The following OLAH variants were observed in gnomAD, a reference collection of about 807,000 sequenced individuals.
OLAH encodes oleoyl-ACP hydrolase, also known as S-acyl fatty acid synthase thioesterase, medium chain.
OLAH carries 33 observed loss-of-function variants against 27.8 expected under a neutral mutation model. That is an observed-to-expected ratio of 1.19 (90% confidence interval 0.90 to 1.59). The LOEUF (loss-of-function observed/expected upper bound fraction) is 1.59, where lower values mean the gene tolerates loss of function less well. Among genes scored for constraint, OLAH ranks in the 40% most tolerant of loss-of-function variants. The probability of loss-of-function intolerance (pLI) is 0.00; values close to 1 mark genes in which losing one functional copy is unlikely to be tolerated. For missense variants in OLAH, 359 were observed against 310.8 expected (o/e 1.16, Z -1.17); for synonymous variants, 120 against 102.9 (o/e 1.17, Z -1.01).
rs185196939 is a variant in OLAH at position 15,066,586 on chromosome 10, A to G, written c.572+833A>G. 3.0e-3 allele frequency among the ~76,000 whole-genome samples: 458 copies of G among 151,406 alleles called. 2 individuals are homozygous for G. The highest frequency in any genetic ancestry group is 0.01 in the African/African-American group (433 of 41,348). On this transcript the variant is annotated intron_variant, in intron 6 of 7. Coordinates refer to ENST00000378228, the MANE Select transcript of OLAH (RefSeq NM_001039702.3). ...CTGATACTCTGTAAATCCTTCCCCA[A>G]TAATCTTTCCTATTTTTATTTTATT...
At chr10:15,068,626 C>T (rs1844517986) in intron 6 of OLAH, among the ~76,000 whole-genome samples, 1 of 152,118 alleles carries the variant, frequency 6.6e-6, no homozygotes, top group South Asian at 2.1e-4. Context: ...AACTCCTGAC[C>T]TCAGGTGATC....
In OLAH at chr10:15,033,163, C is replaced by T. The variant is rs142640381; in HGVS notation, c.-164+813C>T. ...AAGTGCTAGAATTACAGGCCTGAAC[C>T]GCTGCAGCCTACCAGTGAAAAGTAT... On this transcript the variant is annotated intron_variant, in intron 1 of 3. Transcript: ENST00000413672. 3.9e-3 allele frequency among the ~76,000 whole-genome samples: 600 copies of T among 152,156 alleles called. 6 individuals are homozygous for T. Among genetic ancestry groups the T allele is most frequent in the African/African-American group, 0.013 (549 of 41,514 alleles).
At chr10:15,069,738 C>T (rs1844544183) in intron 6 of OLAH, among the ~76,000 whole-genome samples, 1 of 152,166 alleles carries the variant, frequency 6.6e-6, no homozygotes, top group Non-Finnish European at 1.5e-5. Context: ...TGGTGGCAGA[C>T]ACCTGTAATC....
intron 3 of OLAH, among the ~76,000 whole-genome samples, chr10:15,061,095 T>C (rs1844353277): frequency 6.6e-6 from 1 of 152,162 alleles, no homozygotes; most frequent in Non-Finnish European, 1.5e-5. Flanking sequence ...TTATGTTACC[T>C]GCACTCCAGT....
chr10:15,058,620 T>G (rs1029706716), intron 3 of OLAH, among the ~76,000 whole-genome samples: 2 of 152,118 alleles, frequency 1.3e-5, no homozygotes, highest in Non-Finnish European at 2.9e-5. Context: ...TCTGAGTTTG[T>G]GGGGGGGAAA....
upstream of OLAH, among the ~76,000 whole-genome samples, chr10:15,041,035 G>A (rs1209580153): frequency 6.6e-6 from 1 of 152,182 alleles, no homozygotes; most frequent in Non-Finnish European, 1.5e-5. Context: ...CTTGAAGACA[G>A]TGAACAATGT....
intron 1 of OLAH, among the ~76,000 whole-genome samples, chr10:15,037,782 A>G (rs1047293307): frequency 2.6e-5 from 4 of 152,174 alleles, no homozygotes; most frequent in Admixed American, 1.3e-4. Context: ...TTCTCTACGT[A>G]TGGGGATGGG....
chr10:15,056,982 A>G (rs1318588891), intron 3 of OLAH: 2 of 1,421,272 alleles, frequency 1.4e-6, no homozygotes, highest in African/African-American at 1.5e-5. Flanking sequence ...AATTTTTTTT[A>G]GTAGGTTTTT....
intron 6 of OLAH, among the ~76,000 whole-genome samples, chr10:15,067,027 A>C (rs1844482419): frequency 6.6e-6 from 1 of 152,252 alleles, no homozygotes; most frequent in Non-Finnish European, 1.5e-5. Flanking sequence ...TTACCTGTGC[A>C]CATCATTTTA....
chr10:15,035,019 C>T (rs1306341196), intron 1 of OLAH, among the ~76,000 whole-genome samples: 2 of 152,052 alleles, frequency 1.3e-5, no homozygotes, highest in Non-Finnish European at 2.9e-5. Flanking sequence ...CCAGGCTGGT[C>T]ACGAACTCCT....
In OLAH at chr10:15,064,382, G is replaced by A. The variant is rs368557239; in HGVS notation, c.303-21G>A. 6.8e-6 allele frequency: 10 copies of A among 1,472,050 alleles called. No individual in the cohort carries two copies. In the African/African-American group the frequency reaches 1.1e-4, roughly 17 times the overall value. The allele number at this position is 1,472,050 out of a possible 1,614,324, so 91.2% of individuals were successfully genotyped here. On this transcript the variant is annotated intron_variant, in intron 4 of 7. Coordinates refer to ENST00000378228, the MANE Select transcript of OLAH (RefSeq NM_001039702.3). ...AGTTTTGCTTAACAGTTCTTGTCAT[G>A]TTTTTCTTTGCTGAATTTAGTATGG...
Position 15,047,175 on chromosome 10 carries a change from A to T in OLAH, c.-114A>T. 2 of 936,232 alleles carry T rather than the reference A, an allele frequency of 2.1e-6. No individual in the cohort carries two copies. Among genetic ancestry groups the T allele is most frequent in the Non-Finnish European group, 1.6e-6 (1 of 630,448 alleles). The allele number at this position is 936,232 out of a possible 1,614,324, so 58.0% of individuals were successfully genotyped here. ...AGCGCCTTTAAAAAGAAATCTACTC[A>T]CTCTTCTGTGTGCATAAGGCCGAGC... On this transcript the variant is annotated 5_prime_UTR_variant, in exon 2 of 8. Transcript: ENST00000378228.
intron 1 of OLAH, among the ~76,000 whole-genome samples, chr10:15,044,729 G>A (rs1292642609): frequency 6.6e-6 from 1 of 152,106 alleles, no homozygotes; most frequent in Non-Finnish European, 1.5e-5. Context: ...TAATTTGGCA[G>A]TTCTTGTCTC....
intron 6 of OLAH, among the ~76,000 whole-genome samples, chr10:15,071,223 C>G (rs945499978): frequency 1.5e-4 from 23 of 152,134 alleles, no homozygotes; most frequent in Admixed American, 1.2e-3. Context: ...CCACCTCCTC[C>G]CTCCTGCCAA....
Position 15,073,108 on chromosome 10 carries a change from G to C in OLAH, c.677G>C (p.Gly226Ala), listed in dbSNP as rs139895854. 6.2e-7 allele frequency: 1 copy of C among 1,613,028 alleles called. No homozygotes were observed. The highest frequency in any genetic ancestry group is 1.3e-5 in the African/African-American group (1 of 74,832). ...DMEAWKDVTS[G>A]NAKIYQLPGG... ...TCAGCCTGGAAAGATGTAACCAGTG[G>C]AAATGCTAAAATTTACCAGCTTCCA... is the stretch of plus-strand genomic sequence containing the variant. The change falls in exon 8 of 8, where the codon GGA (glycine) becomes GCA (alanine). Residue 226 changes from glycine (G) to alanine (A), a missense_variant. By Grantham distance (60) the Gly-to-Ala change is moderately conservative (BLOSUM62 0). Transcript: ENST00000378228.
upstream of OLAH, among the ~76,000 whole-genome samples, chr10:15,042,491 C>T (rs3763784): frequency 0.24 from 36,933 of 152,064 alleles, 4,862 homozygotes; most frequent in African/African-American, 0.33. Flanking sequence ...TGTAATGTCA[C>T]GGAGAATGGG....
chr10:15,066,240 C>CAA (rs201236007), intron 6 of OLAH, among the ~76,000 whole-genome samples: 88 of 92,868 alleles, frequency 9.5e-4, no homozygotes, highest in African/African-American at 2.9e-3. Flanking sequence ...GACTCCATCT[C>CAA]AAAAAAAAAA....
At chr10:15,050,113 C>G (rs11259448) in intron 3 of OLAH, among the ~76,000 whole-genome samples, 21,694 of 152,176 alleles carry the variant, frequency 0.14, 1,898 homozygotes, top group East Asian at 0.21. Flanking sequence ...CGAATTAATA[C>G]AGAGTCTAAA....
intron 3 of OLAH, among the ~76,000 whole-genome samples, chr10:15,057,173 G>C (rs1844261980): frequency 6.6e-6 from 1 of 152,056 alleles, no homozygotes; most frequent in South Asian, 2.1e-4. Flanking sequence ...CCAAGTCACA[G>C]TTATTTGCCT....
Sources: allele counts gnomAD v4.1 joint callset (sites outside exome capture counted in the v4.1 genomes callset), GRCh38; gene constraint gnomAD v4.1.1; transcripts MANE v1.5; gene names NCBI Gene and HGNC (gene_info 2026-07-23, HGNC 2026-07-21).